The following PLEKHB2 variants were observed in gnomAD, a reference collection of about 807,000 sequenced individuals.
PLEKHB2 encodes pleckstrin homology domain containing B2.
A neutral mutation model predicts 36.5 loss-of-function variants in PLEKHB2; 31 were observed. The observed-to-expected ratio is 0.85, with a 90% CI of 0.64 to 1.15. PLEKHB2 has a LOEUF of 1.15. PLEKHB2 is among the 50% of genes most tolerant of loss of function. The pLI is 0.00. For synonymous variants in PLEKHB2, 119 were observed against 112.0 expected (o/e 1.06, Z -0.39); for missense variants, 262 against 295.3 (o/e 0.89, Z 0.83).
At chr2:131,113,243 C>A (rs562029637) in intron 1 of PLEKHB2, among the ~76,000 whole-genome samples, 2 of 151,980 alleles carry the variant, frequency 1.3e-5, no homozygotes, top group African/African-American at 2.4e-5. Flanking sequence ...CACCATGCCC[C>A]GCTGATTTTT....
intron 6 of PLEKHB2, 133 bp from the exon 7 acceptor site, chr2:131,140,034 A>G (rs1241684362): frequency 5.0e-6 from 3 of 595,536 alleles, no homozygotes; most frequent in South Asian, 2.2e-5. Context: ...GGGCCTAACC[A>G]CACTGTTTCA....
chr2:131,108,834 G>C (rs1418348398), intron 1 of PLEKHB2, among the ~76,000 whole-genome samples: 1 of 152,118 alleles, frequency 6.6e-6, no homozygotes, highest in Non-Finnish European at 1.5e-5. Context: ...ACCATTTATC[G>C]AGTTCTAGTA....
chr2:131,145,596 A>C (rs1573643653), intron 7 of PLEKHB2, among the ~76,000 whole-genome samples: 1 of 152,196 alleles, frequency 6.6e-6, no homozygotes, highest in East Asian at 1.9e-4. Context: ...CAGCCTCCCA[A>C]AGTGCTGGCA....
At position 131,106,668 on chromosome 2, in the gene PLEKHB2, A is replaced by T. The variant is rs1442999907; in HGVS notation, c.-9+1270A>T. 3.6e-4 allele frequency among the ~76,000 whole-genome samples: 54 copies of T among 151,904 alleles called. 1 individual carries two copies. On this transcript the variant is annotated intron_variant, in intron 1 of 7. Transcript: ENST00000693505. Reference sequence around the variant, plus strand: ...CTAACCCTGGGCTGGTTGGCTGGATATTGATAGGACTGGAGCTTGTCTGGG... The same window carrying T: ...CTAACCCTGGGCTGGTTGGCTGGATTTTGATAGGACTGGAGCTTGTCTGGG...
intron 1 of PLEKHB2, among the ~76,000 whole-genome samples, chr2:131,114,943 A>G (rs1695703013): frequency 6.6e-6 from 1 of 152,174 alleles, no homozygotes; most frequent in Middle Eastern, 3.2e-3. Flanking sequence ...TTATCTTTTC[A>G]GTAGCATTCC....
At chr2:131,114,026 T>C (rs933711455) in intron 1 of PLEKHB2, among the ~76,000 whole-genome samples, 1 of 152,212 alleles carries the variant, frequency 6.6e-6, no homozygotes, top group Non-Finnish European at 1.5e-5. Context: ...CCATATTTTA[T>C]GTTAGTTGAC....
rs543972288 is a variant in PLEKHB2, at chr2:131,146,722, G to T, written c.618G>T (p.Leu206=). Residue 206 remains leucine (L), a synonymous_variant, in exon 8 of 8, where the codon CTG becomes CTT. Transcript: ENST00000693505. ...DNDSDLALGM[L]AGAATGMALG... is the part of the protein sequence containing the mutation. Reference sequence around the variant, plus strand: ...ACAGCGACCTGGCACTGGGCATGCTGGCAGGAGCAGCCACGGGCATGGCCT... The same window carrying T: ...ACAGCGACCTGGCACTGGGCATGCTTGCAGGAGCAGCCACGGGCATGGCCT... 6.2e-7 allele frequency: 1 copy of T among 1,613,966 alleles called. No individual in the cohort carries two copies. Among genetic ancestry groups the T allele is most frequent in the Middle Eastern group, 1.6e-4 (1 of 6,062 alleles).
chr2:131,114,178 T>A (rs954968549), intron 1 of PLEKHB2, among the ~76,000 whole-genome samples: 3 of 152,176 alleles, frequency 2.0e-5, no homozygotes, highest in Non-Finnish European at 4.4e-5. Flanking sequence ...CAGGCTGGAG[T>A]GCAGTGGCGT....
chr2:131,124,332 C>T (rs1175013395), intron 2 of PLEKHB2, among the ~76,000 whole-genome samples: 5 of 151,986 alleles, frequency 3.3e-5, no homozygotes, highest in East Asian at 1.9e-4. Flanking sequence ...GGGAAGTACA[C>T]GAAATGGGAT....
intron 5 of PLEKHB2, 42 bp downstream of exon 5, chr2:131,130,802 T>G (rs78517231): frequency 3.7e-6 from 5 of 1,350,648 alleles, no homozygotes; most frequent in Non-Finnish European, 5.3e-6. Context: ...TTTTTTTTTT[T>G]GACAAGGTGT....
intron 1 of PLEKHB2, among the ~76,000 whole-genome samples, chr2:131,114,806 C>T (rs1695686471): frequency 6.6e-6 from 1 of 152,198 alleles, no homozygotes; most frequent in Admixed American, 6.5e-5. Context: ...GCATTTTGGT[C>T]AAAGCCACTC....
rs749850501 is a variant in PLEKHB2 at position 131,125,811 on chromosome 2, G to C, written c.96G>C (p.Leu32=). ...NWFDLWSDGH[L]IYYDDQTRQN... is the part of the protein sequence containing the mutation. ...TTGATCTGTGGTCGGATGGTCACCTGATCTATTATGATGACCAGACTCGGC... is the reference window on the plus strand; with the variant it reads ...TTGATCTGTGGTCGGATGGTCACCTCATCTATTATGATGACCAGACTCGGC... The change falls in exon 3 of 8, where the codon CTG becomes CTC. Residue 32 remains leucine, a synonymous_variant. Coordinates refer to ENST00000693505, the MANE Select transcript of PLEKHB2 (RefSeq NM_001100623.2). 5.6e-6 allele frequency: 9 copies of C among 1,612,620 alleles called. No homozygotes were observed. The South Asian group carries it at 9.9e-5, about 18-fold the overall frequency.
chr2:131,117,400 C>T (rs931304910), intron 1 of PLEKHB2, among the ~76,000 whole-genome samples: 2 of 152,040 alleles, frequency 1.3e-5, no homozygotes, highest in African/African-American at 2.4e-5. Context: ...CCAGCCTGGG[C>T]GATGGCACAA....
intron 1 of PLEKHB2, among the ~76,000 whole-genome samples, chr2:131,107,063 C>T (rs1694813684): frequency 6.6e-6 from 1 of 152,182 alleles, no homozygotes; most frequent in African/African-American, 2.4e-5. Flanking sequence ...TCAGCTCTTT[C>T]TGAAAGCTTT....
intron 6 of PLEKHB2, among the ~76,000 whole-genome samples, chr2:131,136,337 C>CGAGGA (rs1397614035): frequency 3.3e-5 from 5 of 151,162 alleles, no homozygotes; most frequent in Non-Finnish European, 5.9e-5. Flanking sequence ...AGGCAATCCT[C>CGAGGA]TTGCCTCAGC....
In PLEKHB2 at chr2:131,140,022, G is replaced by C. The variant is rs1698622700; in HGVS notation, c.424-145G>C. On this transcript the variant is annotated intron_variant, in intron 6 of 7. Coordinates refer to ENST00000693505, the MANE Select transcript of PLEKHB2 (RefSeq NM_001100623.2). ...TTTGTTTTTTAGTAATTTTAAAACG[G>C]GGGGCCTAACCACACTGTTTCATGT... is the stretch of plus-strand genomic sequence containing the variant. The C allele has an allele frequency of 7.2e-6, 4 of 556,476 alleles. No individual in the cohort carries two copies. The South Asian group carries it at 1.0e-4, about 14-fold the overall frequency. 34.5% of individuals were successfully genotyped at this position (556,476 alleles called of 1,614,324 possible).
chr2:131,114,332 G>T (rs1695638042), intron 1 of PLEKHB2, among the ~76,000 whole-genome samples: 1 of 152,120 alleles, frequency 6.6e-6, no homozygotes, highest in African/African-American at 2.4e-5. Flanking sequence ...CATCGTGTTA[G>T]CCAGGATGGT....
At chr2:131,128,839 T>C (rs953838862) in intron 4 of PLEKHB2, among the ~76,000 whole-genome samples, 26 of 152,156 alleles carry the variant, frequency 1.7e-4, no homozygotes, top group Admixed American at 1.3e-4. Flanking sequence ...GCAAGAAAAA[T>C]GTTCTGAAAT....
intron 5 of PLEKHB2, among the ~76,000 whole-genome samples, chr2:131,131,808 A>G (rs562054656): frequency 9.2e-4 from 134 of 145,916 alleles, no homozygotes; most frequent in African/African-American, 3.3e-3. Context: ...CCATACAGTT[A>G]AGGGCAAGCT....
Sources: allele counts gnomAD v4.1 joint callset (sites outside exome capture counted in the v4.1 genomes callset), GRCh38; gene constraint gnomAD v4.1.1; transcripts MANE v1.5; gene names NCBI Gene and HGNC (gene_info 2026-07-23, HGNC 2026-07-21).